Variants in LATS1 observed in about 807,000 individuals in gnomAD.
LATS1 encodes large tumor suppressor kinase 1.
A neutral mutation model predicts 106.6 loss-of-function variants in LATS1; 25 were observed. The ratio of observed to expected loss-of-function variants is 0.23; its 90% CI spans 0.17 to 0.33. LATS1 has a LOEUF of 0.33. Among genes scored for constraint, LATS1 ranks in the 10% least tolerant of loss-of-function variants. The pLI, the probability that LATS1 is intolerant of heterozygous loss-of-function variation, is 1.00. For synonymous variants in LATS1, 465 were observed against 455.6 expected, an observed-to-expected ratio of 1.02 and a Z score of -0.26; for missense variants, 1,040 against 1,382.6, an observed-to-expected ratio of 0.75 and a Z score of 3.93.
intron 4 of LATS1, among the ~76,000 whole-genome samples, chr6:149,681,449 A>C (rs1052901972): frequency 1.3e-5 from 2 of 152,224 alleles, no homozygotes; most frequent in African/African-American, 4.8e-5. Context: ...TTTCTCTTAA[A>C]ATCTTACTTG....
intron 1 of LATS1, among the ~76,000 whole-genome samples, chr6:149,707,605 A>G (rs898860692): frequency 1.3e-5 from 2 of 152,236 alleles, no homozygotes; most frequent in African/African-American, 4.8e-5. Context: ...CATTGAGTGC[A>G]CAAAGGTCAG....
chr6:149,668,443 A>AT (rs199871796), intron 7 of LATS1, among the ~76,000 whole-genome samples: 62,825 of 146,082 alleles, frequency 0.43, 14,167 homozygotes, highest in East Asian at 0.8. Flanking sequence ...TCTCATCTTG[A>AT]TTTTTTTTTT....
chr6:149,695,254 CA>C, intron 2 of LATS1, 33 bp from the exon 3 acceptor site: 1 of 1,430,820 alleles, frequency 7.0e-7, no homozygotes. Flanking sequence ...AAAAAAGAAA[CA>C]AAATTTAAAT....
intron 2 of LATS1, among the ~76,000 whole-genome samples, chr6:149,700,342 G>A (rs1385317149): frequency 3.3e-5 from 5 of 151,992 alleles, no homozygotes; most frequent in Non-Finnish European, 7.4e-5. Flanking sequence ...GCGTCGTGGT[G>A]GGCGCCTATA....
chr6:149,670,171 C>CAAAAAAAAA (rs1177166262), intron 7 of LATS1, among the ~76,000 whole-genome samples: 4 of 31,638 alleles, frequency 1.3e-4, no homozygotes, highest in Admixed American at 4.5e-4. Context: ...AATTGCATCT[C>CAAAAAAAAA]AAAAAAAAAA....
intron 7 of LATS1, among the ~76,000 whole-genome samples, chr6:149,663,057 A>G (rs1562315523): frequency 6.6e-6 from 1 of 152,270 alleles, no homozygotes; most frequent in East Asian, 1.9e-4. Context: ...AGACTACCTA[A>G]GACTACCTAG....
intron 1 of LATS1, among the ~76,000 whole-genome samples, chr6:149,709,589 AC>A (rs1365054460): frequency 6.7e-6 from 1 of 149,192 alleles, no homozygotes; most frequent in Non-Finnish European, 1.5e-5. Flanking sequence ...GGTCTCCACA[AC>A]CCCTTACCTT....
chr6:149,695,935 G>A (rs1057091296), intron 2 of LATS1, among the ~76,000 whole-genome samples: 2 of 150,064 alleles, frequency 1.3e-5, no homozygotes, highest in African/African-American at 2.4e-5. Flanking sequence ...ATGGAGTTTC[G>A]CTCTTGTTGC....
chr6:149,682,780 A>G (rs1397028920), intron 4 of LATS1: 2 of 342,800 alleles, frequency 5.8e-6, no homozygotes, highest in Non-Finnish European at 1.0e-5. Flanking sequence ...CTAGAAGACA[A>G]CCCTTCCTCC....
At chr6:149,690,062 G>A (rs1024456327) in intron 3 of LATS1, among the ~76,000 whole-genome samples, 1 of 151,826 alleles carries the variant, frequency 6.6e-6, no homozygotes, top group African/African-American at 2.4e-5. Flanking sequence ...ACTGACATAA[G>A]ATATATTACA....
intron 2 of LATS1, among the ~76,000 whole-genome samples, chr6:149,700,434 C>T (rs1417596123): frequency 6.6e-6 from 1 of 152,118 alleles, no homozygotes; most frequent in Non-Finnish European, 1.5e-5. Flanking sequence ...GATCGCACCA[C>T]TGCACTCCAG....
At chr6:149,670,189 A>AAAAG (rs1400754912) in intron 7 of LATS1, among the ~76,000 whole-genome samples, 53 of 102,458 alleles carry the variant, frequency 5.2e-4, no homozygotes, top group Admixed American at 1.7e-3. Context: ...AAAAAAAAAA[A>AAAAG]AAAAGAAAAG....
intron 1 of LATS1, among the ~76,000 whole-genome samples, chr6:149,711,984 G>C (rs1407776201): frequency 6.6e-6 from 1 of 152,120 alleles, no homozygotes; most frequent in South Asian, 2.1e-4. Context: ...GAGAGAGAGA[G>C]AGTGCGCACA....
rs1782148397 is a variant in LATS1 at position 149,683,103 on chromosome 6, T to C, written c.1986A>G (p.Lys662=). The change falls in exon 4 of 8, where the codon AAA becomes AAG. Residue 662 remains lysine, a synonymous_variant. Transcript: ENST00000543571. ...CCCGCATCATTTCATTCTCTAATTG[T>C]TTTTTACGATGTAGACGCTGCTGAT... ...KSHQQRLHRK[K]QLENEMMRVG... is the part of the protein sequence containing the mutation. The C allele has an allele frequency of 6.2e-7, 1 of 1,612,264 alleles. No homozygotes were observed. The highest frequency in any genetic ancestry group is 1.3e-5 in the African/African-American group (1 of 74,880).
At chr6:149,663,722 A>T (rs957304633) in intron 7 of LATS1, among the ~76,000 whole-genome samples, 2 of 152,172 alleles carry the variant, frequency 1.3e-5, no homozygotes, top group Non-Finnish European at 2.9e-5. Flanking sequence ...GAAAAAAAAA[A>T]TGATACAGTT....
intron 1 of LATS1, among the ~76,000 whole-genome samples, chr6:149,710,477 T>C (rs545914565): frequency 3.3e-4 from 51 of 152,328 alleles, no homozygotes; most frequent in Middle Eastern, 3.4e-3. Context: ...GGGTCAGAGT[T>C]CTAGTTTTAT....
intron 1 of LATS1, among the ~76,000 whole-genome samples, chr6:149,715,362 C>G (rs575021949): frequency 1.2e-4 from 18 of 152,104 alleles, no homozygotes; most frequent in African/African-American, 3.9e-4. Context: ...CCACTGCGCC[C>G]GGCTAGATGT....
chr6:149,684,963 T>C (rs1292232950), intron 3 of LATS1, among the ~76,000 whole-genome samples: 2 of 152,136 alleles, frequency 1.3e-5, no homozygotes, highest in African/African-American at 4.8e-5. Flanking sequence ...TGACCAGGCG[T>C]GGTGGCTCAC....
At chr6:149,689,259 T>C (rs1445149759) in intron 3 of LATS1, among the ~76,000 whole-genome samples, 3 of 151,364 alleles carry the variant, frequency 2.0e-5, no homozygotes, top group Non-Finnish European at 4.4e-5. Context: ...GAACAGTAAA[T>C]GAAGGGGGAA....
Sources: gnomAD v4.1 joint callset for allele counts (sites outside exome capture counted in the v4.1 genomes callset) on GRCh38, gnomAD v4.1.1 for gene constraint, MANE v1.5 for transcripts, NCBI Gene and HGNC (gene_info 2026-07-23, HGNC 2026-07-21) for gene names.